PPP1R12B: variants seen among roughly 807,000 people sequenced by gnomAD.
The protein encoded by PPP1R12B is myosin phosphatase target subunit 2.
In PPP1R12B, 76 loss-of-function variants were observed where a neutral mutation model predicts 126.1. The observed-to-expected ratio is 0.60, with a 90% CI of 0.50 to 0.73. PPP1R12B has a LOEUF of 0.73. PPP1R12B is among the 30% of genes least tolerant of loss of function. The probability of loss-of-function intolerance (pLI) is 0.00; values close to 1 mark genes in which losing one functional copy is unlikely to be tolerated. For synonymous variants in PPP1R12B, 356 were observed against 434.7 expected (o/e 0.82, Z 2.25); for missense variants, 1,052 against 1,205.1 (o/e 0.87, Z 1.88).
chr1:202,435,288 A>T (rs1415745303), intron 9 of PPP1R12B, among the ~76,000 whole-genome samples: 1 of 152,136 alleles, frequency 6.6e-6, no homozygotes, highest in Non-Finnish European at 1.5e-5. Context: ...TTACCAAACA[A>T]ATTTGGCTAC....
chr1:202,422,110 T>C (rs1316509609), intron 2 of PPP1R12B, among the ~76,000 whole-genome samples: 1 of 152,256 alleles, frequency 6.6e-6, no homozygotes, highest in African/African-American at 2.4e-5. Context: ...TTTAATTATT[T>C]AACATTTTAA....
chr1:202,570,943 C>G (rs1688532334), intron 23 of PPP1R12B, among the ~76,000 whole-genome samples: 2 of 152,136 alleles, frequency 1.3e-5, no homozygotes, highest in African/African-American at 4.8e-5. Context: ...TGTCAGTGTT[C>G]CTTATTAAGA....
rs1689988646 is a variant in PPP1R12B at position 202,588,847 on chromosome 1, A to ATAGAT, written c.*8288_*8292dup. The ATAGAT allele has an allele frequency of 1.4e-5, 2 of 144,540 alleles. No individual in the cohort carries two copies. Among genetic ancestry groups the ATAGAT allele is most frequent in the East Asian group, 2.0e-4 (1 of 5,112 alleles). 9.0% of individuals were successfully genotyped at this position (144,540 alleles called of 1,614,324 possible). ...GTAAGATAGATAGATAGATAGATAG[A>ATAGAT]TAGATAGATAGATAGATAGATAGAT... On this transcript the variant is annotated 3_prime_UTR_variant, in exon 24 of 24. Coordinates refer to ENST00000608999, the MANE Select transcript of PPP1R12B (RefSeq NM_002481.4).
rs2148793343 is a variant in PPP1R12B, at chr1:202,471,923, C to A, written c.1851-16610C>A. On this transcript the variant is annotated intron_variant, in intron 13 of 23. Coordinates refer to ENST00000608999, the MANE Select transcript of PPP1R12B (RefSeq NM_002481.4). Reference sequence around the variant, plus strand: ...TAAGCCTTGCTTTTCCTCCCGTAGGCTGGCAGAGGACAGTGGAGCAGCCAA... The same window carrying A: ...TAAGCCTTGCTTTTCCTCCCGTAGGATGGCAGAGGACAGTGGAGCAGCCAA... 5 of 1,596,782 alleles carry A rather than the reference C, an allele frequency of 3.1e-6. No homozygotes were observed. The Admixed American group carries it at 8.3e-5, about 27-fold the overall frequency.
At position 202,368,656 on chromosome 1, in the gene PPP1R12B, CT is replaced by C. The variant is rs971374592; in HGVS notation, c.291+19525del. Among the ~76,000 whole-genome samples the C allele has an allele frequency of 2.9e-3, 425 of 145,004 alleles. 1 individual carries two copies. Among genetic ancestry groups the C allele is most frequent in the African/African-American group, 7.8e-3 (309 of 39,652 alleles). On this transcript the variant is annotated intron_variant, in intron 1 of 23. Transcript: ENST00000608999. ...TAGAATTAGTGTTGGCTGTATTTTT[CT>C]TTTTTTTTTTCAAGAAATATTAACT...
At chr1:202,568,155 T>G (rs1047623762) in intron 22 of PPP1R12B, among the ~76,000 whole-genome samples, 2 of 150,556 alleles carry the variant, frequency 1.3e-5, no homozygotes, top group African/African-American at 4.9e-5. Flanking sequence ...TTTGGTTTAC[T>G]GTAAATCATT....
chr1:202,545,123 AAACACT>A (rs1275995128), intron 18 of PPP1R12B, among the ~76,000 whole-genome samples: 1 of 152,266 alleles, frequency 6.6e-6, no homozygotes, highest in African/African-American at 2.4e-5. Flanking sequence ...ATGGAATGAG[AAACACT>A]TGGATGAACA....
chr1:202,564,205 GT>G (rs976314016), intron 20 of PPP1R12B, among the ~76,000 whole-genome samples: 3 of 152,152 alleles, frequency 2.0e-5, no homozygotes, highest in Non-Finnish European at 4.4e-5. Flanking sequence ...AGTAATGACT[GT>G]TTTTCCCCCA....
chr1:202,361,973 G>A (rs1008693069), intron 1 of PPP1R12B, among the ~76,000 whole-genome samples: 3 of 152,024 alleles, frequency 2.0e-5, no homozygotes, highest in Admixed American at 2.0e-4. Context: ...AAGAGAAATT[G>A]GCCCTTCTAA....
chr1:202,369,357 C>T (rs1659826318), intron 1 of PPP1R12B, among the ~76,000 whole-genome samples: 1 of 152,180 alleles, frequency 6.6e-6, no homozygotes, highest in African/African-American at 2.4e-5. Flanking sequence ...ATCAGAATTA[C>T]TGTTAAAATT....
At chr1:202,514,787 G>A (rs1681920844) in intron 18 of PPP1R12B, among the ~76,000 whole-genome samples, 1 of 152,078 alleles carries the variant, frequency 6.6e-6, no homozygotes, top group African/African-American at 2.4e-5. Flanking sequence ...TGGTCTGTGT[G>A]CTGGGTATAT....
At position 202,422,885 on chromosome 1, in the gene PPP1R12B, A is replaced by G. The variant is rs1164679153; in HGVS notation, c.541+147A>G. 11 of 1,164,558 alleles carry G rather than the reference A, an allele frequency of 9.4e-6. No homozygotes were observed. The East Asian group carries it at 2.6e-4, about 28-fold the overall frequency. 72.1% of individuals were successfully genotyped at this position (1,164,558 alleles called of 1,614,324 possible). A position where few individuals can be genotyped will look rare whatever the true frequency, so the allele number is the denominator to read the frequency against. ...GCACTGCATTAATCATTAATCCAGCATCATGTATCCTCATAATAACTCAGA... is the reference window on the plus strand; with the variant it reads ...GCACTGCATTAATCATTAATCCAGCGTCATGTATCCTCATAATAACTCAGA... On this transcript the variant is annotated intron_variant, in intron 3 of 23. Transcript: ENST00000608999.
intron 1 of PPP1R12B, among the ~76,000 whole-genome samples, chr1:202,390,340 A>G (rs1663935627): frequency 6.6e-6 from 1 of 152,244 alleles, no homozygotes; most frequent in Admixed American, 6.5e-5. Context: ...ACATAGCAGT[A>G]ATGTTTTCCA....
chr1:202,562,990 C>T (rs1462640459), intron 20 of PPP1R12B, 68 bp downstream of exon 20: 28 of 1,446,570 alleles, frequency 1.9e-5, no homozygotes, highest in Admixed American at 5.1e-5. Context: ...CTCCACCACA[C>T]CCAGAAAAAT....
chr1:202,356,638 G>A (rs1657154636), intron 1 of PPP1R12B, among the ~76,000 whole-genome samples: 1 of 152,122 alleles, frequency 6.6e-6, no homozygotes, highest in Non-Finnish European at 1.5e-5. Flanking sequence ...AATCAGAATA[G>A]GAGATGTGAT....
chr1:202,548,832 AT>A, intron 18 of PPP1R12B, among the ~76,000 whole-genome samples: 1 of 130,342 alleles, frequency 7.7e-6, no homozygotes, highest in East Asian at 2.2e-4. Flanking sequence ...ATATATATAT[AT>A]ATAATTTTAG....
intron 4 of PPP1R12B, 145 bp downstream of exon 4, chr1:202,425,870 T>A (rs1288594013): frequency 1.3e-6 from 1 of 744,728 alleles, no homozygotes. Context: ...TTTTCTCACA[T>A]TTTGCTGGTA....
chr1:202,370,399 T>A (rs1377780512), intron 1 of PPP1R12B, among the ~76,000 whole-genome samples: 4 of 152,214 alleles, frequency 2.6e-5, no homozygotes, highest in Non-Finnish European at 5.9e-5. Flanking sequence ...TTATTGACAT[T>A]TGAGTTATTT....
chr1:202,470,772 G>A (rs1333907719), intron 13 of PPP1R12B, among the ~76,000 whole-genome samples: 1 of 151,972 alleles, frequency 6.6e-6, no homozygotes, highest in South Asian at 2.1e-4. Flanking sequence ...AGGCCTGGGA[G>A]CCTGTGCCTG....
Sources: allele counts gnomAD v4.1 joint callset (sites outside exome capture counted in the v4.1 genomes callset), GRCh38; gene constraint gnomAD v4.1.1; transcripts MANE v1.5; gene names NCBI Gene and HGNC (gene_info 2026-07-23, HGNC 2026-07-21).